The following GADL1 variants were observed in gnomAD, a reference collection of about 807,000 sequenced individuals.
GADL1 encodes GAD like acidic amino acid decarboxylase 1.
GADL1 carries 71 observed loss-of-function variants against 69.5 expected under a neutral mutation model. The ratio of observed to expected loss-of-function variants is 1.02; its 90% CI spans 0.84 to 1.25. The LOEUF is 1.25. Among genes scored for constraint, GADL1 ranks in the 50% most tolerant of loss-of-function variants. The pLI is 0.00. For missense variants in GADL1, 737 were observed against 631.8 expected (o/e 1.17, Z -1.79); for synonymous variants, 254 against 214.4 (o/e 1.18, Z -1.62).
chr3:30,778,163 T>A lies in GADL1; in HGVS notation c.1392+16A>T, dbSNP rs1559497062. ...TACTTCATCAAAAAGAAAAATACCA[T>A]TTACTTATTACTTACCAAATTAAGT... On this transcript the variant is annotated intron_variant, in intron 14 of 14. Coordinates refer to ENST00000282538, the MANE Select transcript of GADL1 (RefSeq NM_207359.3). 2.1e-6 allele frequency: 3 copies of A among 1,439,516 alleles called. No homozygotes were observed. Among genetic ancestry groups the A allele is most frequent in the Non-Finnish European group, 2.0e-6 (2 of 1,021,752 alleles). The allele number at this position is 1,439,516 out of a possible 1,614,324, so 89.2% of individuals were successfully genotyped here.
At chr3:30,737,530 CCTAT>C (rs1695556654) in intron 14 of GADL1, among the ~76,000 whole-genome samples, 1 of 152,050 alleles carries the variant, frequency 6.6e-6, no homozygotes, top group Non-Finnish European at 1.5e-5. Context: ...CATTTTTAAA[CCTAT>C]CTAATTCTTC....
chr3:30,878,422 C>T (rs1370319848), intron 1 of GADL1, among the ~76,000 whole-genome samples: 2 of 151,838 alleles, frequency 1.3e-5, no homozygotes, highest in Admixed American at 1.3e-4. Context: ...GCCCATGAGG[C>T]CTACTTTAGG....
intron 14 of GADL1, among the ~76,000 whole-genome samples, chr3:30,751,770 G>C (rs1028518407): frequency 2.6e-5 from 4 of 151,392 alleles, no homozygotes; most frequent in Admixed American, 6.6e-5. Flanking sequence ...CCCCCCGATG[G>C]TCTCGCCATT....
intron 14 of GADL1, among the ~76,000 whole-genome samples, chr3:30,773,165 A>G (rs1696456702): frequency 6.6e-6 from 1 of 152,210 alleles, no homozygotes; most frequent in South Asian, 2.1e-4. Context: ...TAATATTTAA[A>G]ACCTTAAAAT....
At chr3:30,827,039 AG>A (rs1697692319) in intron 11 of GADL1, among the ~76,000 whole-genome samples, 1 of 151,914 alleles carries the variant, frequency 6.6e-6, no homozygotes, top group Non-Finnish European at 1.5e-5. Context: ...CAAAGCAAGA[AG>A]GGTCATGCTT....
In GADL1 at chr3:30,792,621, C is replaced by G. The variant is rs1219481158; in HGVS notation, c.1251-6215G>C. ...TTAATTCATAAGGCCATTTGTCAAGCTGGTTGGATTGTTCAATAATATCAG... is the reference window on the plus strand; with the variant it reads ...TTAATTCATAAGGCCATTTGTCAAGGTGGTTGGATTGTTCAATAATATCAG... On this transcript the variant is annotated intron_variant, in intron 12 of 14. Transcript: ENST00000282538. Among the ~76,000 whole-genome samples, 4 of 152,080 alleles carry G rather than the reference C, an allele frequency of 2.6e-5. No homozygotes were observed. In the East Asian group the frequency reaches 5.8e-4, roughly 22 times the overall value.
chr3:30,879,354 G>T (rs1698614531), intron 1 of GADL1, among the ~76,000 whole-genome samples: 1 of 151,832 alleles, frequency 6.6e-6, no homozygotes, highest in African/African-American at 2.4e-5. Context: ...AAAGCCCACT[G>T]GGAGGACCAA....
At chr3:30,757,307 T>C (rs1277235401) in intron 14 of GADL1, among the ~76,000 whole-genome samples, 1 of 152,064 alleles carries the variant, frequency 6.6e-6, no homozygotes, top group East Asian at 1.9e-4. Flanking sequence ...AGCCTGACAT[T>C]TAAAAATCAG....
At chr3:30,879,180 C>T (rs1003473169) in intron 1 of GADL1, among the ~76,000 whole-genome samples, 8 of 151,996 alleles carry the variant, frequency 5.3e-5, no homozygotes, top group Admixed American at 5.2e-4. Context: ...CTCATGGCTT[C>T]TTATCTCTCA....
chr3:30,748,305 A>G (rs946159348), intron 14 of GADL1, among the ~76,000 whole-genome samples: 8 of 152,228 alleles, frequency 5.3e-5, no homozygotes, highest in Non-Finnish European at 1.2e-4. Context: ...TGAAATGAAT[A>G]AGGATGTAAT....
chr3:30,758,044 C>A (rs1484894768), intron 14 of GADL1, among the ~76,000 whole-genome samples: 1 of 152,158 alleles, frequency 6.6e-6, no homozygotes, highest in South Asian at 2.1e-4. Flanking sequence ...ATAGACGAAA[C>A]TTCTCAAGAT....
At chr3:30,809,972 C>G (rs746983485) in intron 11 of GADL1, among the ~76,000 whole-genome samples, 15 of 152,102 alleles carry the variant, frequency 9.9e-5, no homozygotes, top group Non-Finnish European at 2.2e-4. Flanking sequence ...CTCAAATATT[C>G]TGAAGTTTAT....
intron 11 of GADL1, among the ~76,000 whole-genome samples, chr3:30,816,530 C>CTTTCT (rs1697473454): frequency 1.9e-5 from 1 of 53,996 alleles, no homozygotes; most frequent in African/African-American, 5.7e-5. Context: ...AATTTGTTTT[C>CTTTCT]TTTTTTTTTT....
intron 1 of GADL1, among the ~76,000 whole-genome samples, chr3:30,884,497 C>T (rs962900556): frequency 6.6e-6 from 1 of 151,994 alleles, no homozygotes; most frequent in Admixed American, 6.6e-5. Context: ...CAGGAAGTTA[C>T]CAACCTCAAC....
intron 1 of GADL1, among the ~76,000 whole-genome samples, chr3:30,881,635 C>T (rs1698641883): frequency 6.6e-6 from 1 of 151,842 alleles, no homozygotes; most frequent in Non-Finnish European, 1.5e-5. Context: ...AACAACTGGA[C>T]ACATCTCTAC....
chr3:30,841,744 G>A (rs1697969255), intron 8 of GADL1, among the ~76,000 whole-genome samples: 1 of 152,146 alleles, frequency 6.6e-6, no homozygotes, highest in African/African-American at 2.4e-5. Context: ...TAAGTGAGAA[G>A]CTGATGGAGT....
intron 14 of GADL1, among the ~76,000 whole-genome samples, chr3:30,732,284 A>G (rs975812454): frequency 6.6e-6 from 1 of 152,174 alleles, no homozygotes; most frequent in Non-Finnish European, 1.5e-5. Flanking sequence ...GAGGAAAGCA[A>G]TTTGGCAGGA....
chr3:30,780,015 A>ACCCCAGTAGCTTC (rs1196129170), intron 13 of GADL1, among the ~76,000 whole-genome samples: 1 of 152,002 alleles, frequency 6.6e-6, no homozygotes, highest in Non-Finnish European at 1.5e-5. Flanking sequence ...CCACCCATCT[A>ACCCCAGTAGCTTC]CCCCAGTAGC....
intron 13 of GADL1, among the ~76,000 whole-genome samples, chr3:30,784,170 C>T (rs1276440934): frequency 6.6e-6 from 1 of 152,170 alleles, no homozygotes; most frequent in Admixed American, 6.5e-5. Context: ...GCCATTATGC[C>T]TCACAAAATT....
Sources: gnomAD v4.1 joint callset for allele counts (sites outside exome capture counted in the v4.1 genomes callset) on GRCh38, gnomAD v4.1.1 for gene constraint, MANE v1.5 for transcripts, NCBI Gene and HGNC (gene_info 2026-07-23, HGNC 2026-07-21) for gene names.